RASGRF2: variants seen among roughly 807,000 people sequenced by gnomAD.
RASGRF2 encodes the protein ras-specific guanine nucleotide-releasing factor 2.
Under a neutral mutation model 151.0 loss-of-function variants are expected in RASGRF2, and 76 were observed. That is an observed-to-expected ratio of 0.50 (90% CI 0.42 to 0.61). The LOEUF (loss-of-function observed/expected upper bound fraction) is 0.61, where lower values mean the gene tolerates loss of function less well. Ranked by LOEUF, RASGRF2 falls within the 20% of genes least tolerant of loss-of-function variation. The pLI, the probability that RASGRF2 is intolerant of heterozygous loss-of-function variation, is 0.00. For missense variants in RASGRF2, 1,148 were observed against 1,564.6 expected (o/e 0.73, Z 4.49); for synonymous variants, 504 against 566.5 (o/e 0.89, Z 1.57).
chr5:81,141,289 A>G (rs1012049222), intron 17 of RASGRF2, among the ~76,000 whole-genome samples: 1 of 152,184 alleles, frequency 6.6e-6, no homozygotes, highest in Non-Finnish European at 1.5e-5. Context: ...GGGTGATTTT[A>G]CAGAGAGTTG....
chr5:81,140,429 CACACACAG>C (rs1203753954), intron 17 of RASGRF2, among the ~76,000 whole-genome samples: 3 of 152,038 alleles, frequency 2.0e-5, no homozygotes, highest in African/African-American at 7.3e-5. Context: ...CACACACACA[CACACACAG>C]ACACACACAT....
rs1753472860 is a variant in RASGRF2 at position 81,126,973 on chromosome 5, C to G, written c.2597-101C>G. Reference sequence around the variant, plus strand: ...AACAGAGATAATACAGGGCATTTGGCCCAGTCCTTCATCTGGTGCAGGAAG... The same window carrying G: ...AACAGAGATAATACAGGGCATTTGGGCCAGTCCTTCATCTGGTGCAGGAAG... On this transcript the variant is annotated intron_variant, in intron 16 of 26. Transcript: ENST00000265080. 9 of 1,290,982 alleles carry G rather than the reference C, an allele frequency of 7.0e-6. No homozygotes were observed. In the South Asian group the frequency reaches 1.2e-4, roughly 17 times the overall value. 80.0% of individuals were successfully genotyped at this position (1,290,982 alleles called of 1,614,324 possible).
chr5:81,138,273 T>A (rs1753803053), intron 17 of RASGRF2, among the ~76,000 whole-genome samples: 1 of 152,156 alleles, frequency 6.6e-6, no homozygotes, highest in Non-Finnish European at 1.5e-5. Flanking sequence ...TGATATAGCT[T>A]CTTTTCCCAC....
At chr5:81,199,450 T>C (rs764181701) in intron 18 of RASGRF2, among the ~76,000 whole-genome samples, 6 of 152,222 alleles carry the variant, frequency 3.9e-5, no homozygotes, top group Non-Finnish European at 5.9e-5. Flanking sequence ...TAAGGTGTTA[T>C]CTGCCAGATT....
In RASGRF2 at chr5:81,012,518, C is replaced by T. The variant is rs1455563543; in HGVS notation, c.289-30359C>T. On this transcript the variant is annotated intron_variant, in intron 1 of 26. Coordinates refer to ENST00000265080, the MANE Select transcript of RASGRF2 (RefSeq NM_006909.3). The stretch of plus-strand genomic sequence containing the variant: ...CCAGCCGTAGCGTGTGGTCAGTAGA[C>T]GGAATCTAGACGGCGTCTGTCGGCG... Among the ~76,000 whole-genome samples the T allele has an allele frequency of 7.2e-5, 11 of 152,100 alleles. No homozygotes were observed. In the East Asian group the frequency reaches 1.9e-3, roughly 27 times the overall value.
At chr5:81,186,588 CAG>C (rs746730253) in intron 18 of RASGRF2, among the ~76,000 whole-genome samples, 56 of 152,100 alleles carry the variant, frequency 3.7e-4, no homozygotes, top group African/African-American at 9.4e-4. Flanking sequence ...ACACACAAAA[CAG>C]AGTCCTTTTC....
At chr5:80,973,599 C>G (rs1289842850) in intron 1 of RASGRF2, among the ~76,000 whole-genome samples, 2 of 152,158 alleles carry the variant, frequency 1.3e-5, no homozygotes, top group African/African-American at 4.8e-5. Flanking sequence ...ACCAGGCTGG[C>G]CTGGGGGTGC....
intron 1 of RASGRF2, among the ~76,000 whole-genome samples, chr5:80,990,948 G>C (rs899944452): frequency 9.2e-5 from 14 of 152,198 alleles, no homozygotes; most frequent in African/African-American, 2.4e-4. Context: ...TTGTCAATTA[G>C]ACTAGAGCAG....
intron 1 of RASGRF2, among the ~76,000 whole-genome samples, chr5:81,024,263 T>A (rs1224405793): frequency 6.9e-6 from 1 of 144,398 alleles, no homozygotes; most frequent in Admixed American, 6.9e-5. Flanking sequence ...TTTTTTTTTT[T>A]TTTTTTTTTT....
At chr5:81,012,950 C>G (rs942033078) in intron 1 of RASGRF2, among the ~76,000 whole-genome samples, 3 of 152,076 alleles carry the variant, frequency 2.0e-5, no homozygotes, top group African/African-American at 7.2e-5. Flanking sequence ...AATAGCCTGG[C>G]TGGAATCAGG....
chr5:81,153,395 A>G (rs1281308100), intron 17 of RASGRF2, among the ~76,000 whole-genome samples: 1 of 152,208 alleles, frequency 6.6e-6, no homozygotes, highest in Non-Finnish European at 1.5e-5. Context: ...AGATAATGCA[A>G]TGTGAGAAAG....
intron 17 of RASGRF2, among the ~76,000 whole-genome samples, chr5:81,129,420 C>A (rs1354599525): frequency 6.6e-6 from 1 of 151,922 alleles, no homozygotes; most frequent in Admixed American, 6.6e-5. Flanking sequence ...CATTAACTAC[C>A]ATAGTACTTT....
At chr5:81,206,224 A>G (rs1561259675) in intron 19 of RASGRF2, among the ~76,000 whole-genome samples, 1 of 148,562 alleles carries the variant, frequency 6.7e-6, no homozygotes, top group East Asian at 1.9e-4. Flanking sequence ...ATTTTTTTAA[A>G]AGATATTTAT....
intron 1 of RASGRF2, among the ~76,000 whole-genome samples, chr5:81,031,144 A>G (rs1750230174): frequency 1.3e-5 from 2 of 152,250 alleles, no homozygotes; most frequent in African/African-American, 4.8e-5. Flanking sequence ...ACCCAGATTC[A>G]TAAAGCAACT....
chr5:81,086,973 A>C lies in RASGRF2; in HGVS notation c.1390+20A>C, dbSNP rs758082409. On this transcript the variant is annotated intron_variant, in intron 9 of 26. Coordinates refer to ENST00000265080, the MANE Select transcript of RASGRF2 (RefSeq NM_006909.3). ...GCCAAGGTAAGTCCCTGTGAAATGG[A>C]CCCGCGACCTGATGCGCTGTGCGGC... The C allele has an allele frequency of 8.2e-6, 13 of 1,584,618 alleles. No homozygotes were observed. Among genetic ancestry groups the C allele is most frequent in the Admixed American group, 3.3e-5 (2 of 59,962 alleles).
At chr5:81,027,585 A>G (rs12521421) in intron 1 of RASGRF2, among the ~76,000 whole-genome samples, 17,151 of 152,236 alleles carry the variant, frequency 0.11, 1,235 homozygotes, top group Non-Finnish European at 0.16. Context: ...GAGTGTTTCT[A>G]CATTAAAATG....
intron 12 of RASGRF2, among the ~76,000 whole-genome samples, chr5:81,095,378 T>A (rs1752518588): frequency 1.3e-5 from 2 of 152,342 alleles, no homozygotes; most frequent in South Asian, 4.1e-4. Context: ...ACAGCCAACA[T>A]AGGGCTATGG....
At position 80,960,422 on chromosome 5, in the gene RASGRF2, C is replaced by T. The variant is rs1482664281; in HGVS notation, c.-317C>T. ...GGGGCTCGGCTCCCGCAACTTTGGG[C>T]GAAGCGGCGGCCGGCTCGGGCGCCC... On this transcript the variant is annotated 5_prime_UTR_variant, in exon 1 of 27. Coordinates refer to ENST00000265080, the MANE Select transcript of RASGRF2 (RefSeq NM_006909.3). The surrounding 1 kb of genome is among the most constrained non-coding windows in gnomAD (Gnocchi z 5.5). Among the ~76,000 whole-genome samples, 3 of 150,826 alleles carry T rather than the reference C, an allele frequency of 2.0e-5. No homozygotes were observed. The highest frequency in any genetic ancestry group is 1.9e-4 in the East Asian group (1 of 5,158).
intron 1 of RASGRF2, among the ~76,000 whole-genome samples, chr5:81,017,352 C>G (rs1422218535): frequency 1.3e-5 from 2 of 152,238 alleles, no homozygotes; most frequent in African/African-American, 2.4e-5. Context: ...AGAGTTCACA[C>G]TGTTTCCCTG....
Sources: allele counts gnomAD v4.1 joint callset (sites outside exome capture counted in the v4.1 genomes callset), GRCh38; gene constraint gnomAD v4.1.1; non-coding constraint Gnocchi (gnomAD v3.1); transcripts MANE v1.5; gene names NCBI Gene and HGNC (gene_info 2026-07-23, HGNC 2026-07-21).